NRG1: variants seen among roughly 807,000 people sequenced by gnomAD.
The protein encoded by NRG1 is neuregulin 1, also known as pro-neuregulin-1, membrane-bound isoform.
A neutral mutation model predicts 63.8 loss-of-function variants in NRG1; 18 were observed. That is an observed-to-expected ratio of 0.28 (90% CI 0.19 to 0.42). The LOEUF is 0.42. NRG1 is among the 10% of genes least tolerant of loss of function. The pLI is 1.00. For missense variants in NRG1, 762 were observed against 814.7 expected, an observed-to-expected ratio of 0.94 and a Z score of 0.79; for synonymous variants, 302 against 301.3, an observed-to-expected ratio of 1.00 and a Z score of -0.02.
chr8:31,920,676 C>A (rs1177741954), intron 1 of NRG1, among the ~76,000 whole-genome samples: 2 of 152,004 alleles, frequency 1.3e-5, no homozygotes, highest in African/African-American at 2.4e-5. Flanking sequence ...ATCTGTATGA[C>A]CTTGAGGATG....
At chr8:31,995,172 T>A (rs1392439779) in intron 1 of NRG1, among the ~76,000 whole-genome samples, 8 of 151,994 alleles carry the variant, frequency 5.3e-5, no homozygotes, top group African/African-American at 1.9e-4. Context: ...TCAGCTTTTT[T>A]ATAGAGGTCA....
At chr8:32,067,839 G>GAA (rs1188542785) in intron 1 of NRG1, among the ~76,000 whole-genome samples, 1 of 151,998 alleles carries the variant, frequency 6.6e-6, no homozygotes, top group East Asian at 1.9e-4. Context: ...TGGCTTTAAA[G>GAA]AAAAAAATCC....
chr8:32,425,328 A>G (rs2129486380), intron 1 of NRG1, among the ~76,000 whole-genome samples: 2 of 152,296 alleles, frequency 1.3e-5, no homozygotes, highest in Middle Eastern at 3.4e-3. Flanking sequence ...GAAAGCAGTA[A>G]TTATCTCTCC....
chr8:31,995,165 GC>G (rs764527520), intron 1 of NRG1, among the ~76,000 whole-genome samples: 5 of 151,946 alleles, frequency 3.3e-5, no homozygotes, highest in Admixed American at 2.6e-4. Context: ...TTTGTCCTCA[GC>G]TTTTTTATAG....
At chr8:31,977,120 T>C (rs2129630023) in intron 1 of NRG1, among the ~76,000 whole-genome samples, 1 of 152,328 alleles carries the variant, frequency 6.6e-6, no homozygotes, top group South Asian at 2.1e-4. Context: ...CTCGTTGTCA[T>C]TCCGCAAACC....
chr8:32,760,250 T>C, exon 11 of NRG1: 1 of 1,614,024 alleles, frequency 6.2e-7, no homozygotes, highest in Non-Finnish European at 8.5e-7. Context: ...CACTCTGTAA[T>C]CGTGATGTCA....
intron 1 of NRG1, among the ~76,000 whole-genome samples, chr8:32,454,173 T>A (rs1350302594): frequency 6.6e-6 from 1 of 152,230 alleles, no homozygotes; most frequent in East Asian, 1.9e-4. Flanking sequence ...ATTTCAGAAT[T>A]GTGGAGGAAT....
At chr8:31,731,423 C>T (rs1395939179) in intron 1 of NRG1, among the ~76,000 whole-genome samples, 1 of 151,262 alleles carries the variant, frequency 6.6e-6, no homozygotes, top group Non-Finnish European at 1.5e-5. Flanking sequence ...GTCATACACA[C>T]ACACACACAC....
At chr8:31,860,290 A>G (rs1209114441) in intron 1 of NRG1, among the ~76,000 whole-genome samples, 1 of 152,262 alleles carries the variant, frequency 6.6e-6, no homozygotes, top group East Asian at 1.9e-4. Context: ...AAGTACGTGT[A>G]TGATGATCAT....
chr8:31,866,127 C>A (rs16878382), intron 1 of NRG1, among the ~76,000 whole-genome samples: 18,572 of 152,088 alleles, frequency 0.12, 1,281 homozygotes, highest in Admixed American at 0.19. Flanking sequence ...TTGGGATTAC[C>A]CAACCACCAT....
intron 1 of NRG1, among the ~76,000 whole-genome samples, chr8:32,459,323 T>C (rs907316582): frequency 1.5e-4 from 23 of 152,214 alleles, no homozygotes; most frequent in Non-Finnish European, 3.1e-4. Flanking sequence ...CCTGGAATCC[T>C]TTCAGTTTTT....
At chr8:31,829,577 G>A (rs760280359) in intron 1 of NRG1, among the ~76,000 whole-genome samples, 2 of 152,160 alleles carry the variant, frequency 1.3e-5, no homozygotes, top group African/African-American at 2.4e-5. Context: ...ATTTGAATAT[G>A]TCCATACTTG....
Position 32,709,325 on chromosome 8 carries a change from T to G in NRG1, c.503-18624T>G, listed in dbSNP as rs546685648. ...TATCACCGAAGTAAATAGAAAATTC[T>G]GTGATTCTCAGATTTCTTCCATAGC... is the stretch of plus-strand genomic sequence containing the variant. On this transcript the variant is annotated intron_variant, in intron 5 of 11. Transcript: ENST00000356819. Among the ~76,000 whole-genome samples, 7 of 152,362 alleles carry G rather than the reference T, an allele frequency of 4.6e-5. No individual in the cohort carries two copies. In the South Asian group the frequency reaches 1.2e-3, roughly 27 times the overall value.
At chr8:31,731,199 A>T (rs1814010154) in intron 1 of NRG1, among the ~76,000 whole-genome samples, 1 of 152,178 alleles carries the variant, frequency 6.6e-6, no homozygotes, top group Non-Finnish European at 1.5e-5. Flanking sequence ...TATACCAGAC[A>T]TGAAGGCAAA....
chr8:31,896,708 G>A (rs1295346838), intron 1 of NRG1, among the ~76,000 whole-genome samples: 1 of 152,150 alleles, frequency 6.6e-6, no homozygotes, highest in Non-Finnish European at 1.5e-5. Context: ...TGCTGGTCTG[G>A]CATCACACTT....
chr8:32,751,110 T>C (rs1828638360), intron 7 of NRG1: 1 of 152,240 alleles, frequency 6.6e-6, no homozygotes, highest in Non-Finnish European at 1.5e-5. Flanking sequence ...CAGTAAGATC[T>C]TCTATGGGTT....
At chr8:31,840,297 A>G (rs1301942682) in intron 1 of NRG1, among the ~76,000 whole-genome samples, 1 of 151,584 alleles carries the variant, frequency 6.6e-6, no homozygotes, top group Non-Finnish European at 1.5e-5. Context: ...GGCTGCTTAA[A>G]TAAGATAAAT....
At chr8:32,308,195 TTAA>T (rs1856435413) in intron 1 of NRG1, among the ~76,000 whole-genome samples, 2 of 152,206 alleles carry the variant, frequency 1.3e-5, no homozygotes, top group African/African-American at 4.8e-5. Context: ...ATTCTCCAAC[TTAA>T]TAAACATCAA....
At chr8:32,182,447 A>C (rs951453679) in intron 1 of NRG1, among the ~76,000 whole-genome samples, 4 of 152,146 alleles carry the variant, frequency 2.6e-5, no homozygotes. Context: ...GAGTTTCACC[A>C]TGTTGGCCAG....
Sources: allele counts gnomAD v4.1 joint callset (sites outside exome capture counted in the v4.1 genomes callset), GRCh38; gene constraint gnomAD v4.1.1; transcripts MANE v1.5; gene names NCBI Gene and HGNC (gene_info 2026-07-23, HGNC 2026-07-21).